The following MECOM variants were observed in gnomAD, a reference collection of about 807,000 sequenced individuals.
MECOM encodes histone-lysine N-methyltransferase MECOM.
A neutral mutation model predicts 116.3 loss-of-function variants in MECOM; 13 were observed. The ratio of observed to expected loss-of-function variants is 0.11; its 90% CI spans 0.07 to 0.18. The LOEUF is 0.18. Among genes scored for constraint, MECOM ranks in the 10% least tolerant of loss-of-function variants. The pLI is 1.00. For synonymous variants in MECOM, 528 were observed against 535.2 expected (o/e 0.99, Z 0.19); for missense variants, 1,299 against 1,509.0 (o/e 0.86, Z 2.31).
intron 2 of MECOM, among the ~76,000 whole-genome samples, chr3:169,294,493 A>T (rs1396880551): frequency 6.6e-6 from 1 of 152,218 alleles, no homozygotes; most frequent in Non-Finnish European, 1.5e-5. Flanking sequence ...GAGGGGCAGA[A>T]GCAGTAGCCT....
chr3:169,378,446 AAAGAAG>A (rs1560196576), intron 2 of MECOM, among the ~76,000 whole-genome samples: 21 of 80,388 alleles, frequency 2.6e-4, no homozygotes, highest in African/African-American at 1.6e-3. Flanking sequence ...AGAAAGAAAG[AAAGAAG>A]GAAAGCAAGC....
chr3:169,301,556 AC>A (rs1716722942), intron 2 of MECOM, among the ~76,000 whole-genome samples: 1 of 152,190 alleles, frequency 6.6e-6, no homozygotes, highest in Non-Finnish European at 1.5e-5. Flanking sequence ...TGTGAATGAG[AC>A]CCTGAAATTT....
intron 1 of MECOM, among the ~76,000 whole-genome samples, chr3:169,606,739 T>C (rs1768620991): frequency 6.6e-6 from 1 of 152,228 alleles, no homozygotes; most frequent in Non-Finnish European, 1.5e-5. Flanking sequence ...GGTATTGTTC[T>C]CCTCCATATG....
intron 2 of MECOM, among the ~76,000 whole-genome samples, chr3:169,376,160 G>A (rs1560193318): frequency 6.6e-6 from 1 of 152,012 alleles, no homozygotes; most frequent in Admixed American, 6.6e-5. Context: ...AATAAACTAG[G>A]TATTGATGGA....
At chr3:169,211,761 G>A (rs1750760255) in intron 2 of MECOM, among the ~76,000 whole-genome samples, 2 of 152,090 alleles carry the variant, frequency 1.3e-5, no homozygotes, top group Non-Finnish European at 1.5e-5. Context: ...TTGTGTTCAT[G>A]GCTCCCAAAT....
chr3:169,474,651 T>A (rs574033578), intron 1 of MECOM, among the ~76,000 whole-genome samples: 1 of 152,300 alleles, frequency 6.6e-6, no homozygotes, highest in Non-Finnish European at 1.5e-5. Flanking sequence ...GCCCATGTTT[T>A]GTGTAATAAC....
At chr3:169,171,156 A>G (rs1744347626) in intron 2 of MECOM, among the ~76,000 whole-genome samples, 1 of 152,196 alleles carries the variant, frequency 6.6e-6, no homozygotes, top group Non-Finnish European at 1.5e-5. Flanking sequence ...CTATCAGAAA[A>G]TACCTTTTGT....
chr3:169,324,381 A>T (rs1246891749), intron 2 of MECOM, among the ~76,000 whole-genome samples: 5 of 152,244 alleles, frequency 3.3e-5, no homozygotes, highest in Non-Finnish European at 7.3e-5. Context: ...TTCTCCTTTA[A>T]GAAAATCATC....
intron 2 of MECOM, among the ~76,000 whole-genome samples, chr3:169,162,482 C>A (rs929772010): frequency 6.6e-6 from 1 of 152,136 alleles, no homozygotes. Flanking sequence ...TAAAGGATGG[C>A]ATGGTAGGGG....
At chr3:169,365,170 G>A (rs1332397179) in intron 2 of MECOM, among the ~76,000 whole-genome samples, 1 of 151,962 alleles carries the variant, frequency 6.6e-6, no homozygotes, top group East Asian at 1.9e-4. Context: ...CTCAGTGTAA[G>A]GGTTTTATCT....
intron 1 of MECOM, among the ~76,000 whole-genome samples, chr3:169,558,815 C>T (rs2109349614): frequency 6.6e-6 from 1 of 152,238 alleles, no homozygotes; most frequent in Non-Finnish European, 1.5e-5. Context: ...TTCCAGGAAT[C>T]ATCGGTCAGA....
intron 2 of MECOM, among the ~76,000 whole-genome samples, chr3:169,236,202 A>T (rs1276972163): frequency 2.0e-5 from 3 of 152,178 alleles, no homozygotes; most frequent in Non-Finnish European, 4.4e-5. Context: ...GGTGCAGTAA[A>T]TGCATTTTTT....
In MECOM at chr3:169,208,881, A is replaced by T. The variant is rs568091811; in HGVS notation, c.376-65049T>A. 1.1e-4 allele frequency among the ~76,000 whole-genome samples: 16 copies of T among 148,154 alleles called. 1 individual carries two copies. The South Asian group carries it at 2.8e-3, about 26-fold the overall frequency. The stretch of plus-strand genomic sequence containing the variant: ...GAACCAAAAAAGAGCCTGTATAGCC[A>T]AGACAATCGTAAGCAAAAAAAAAAA... On this transcript the variant is annotated intron_variant, in intron 2 of 16. Transcript: ENST00000651503.
chr3:169,453,345 T>A (rs757543274), intron 1 of MECOM, among the ~76,000 whole-genome samples: 1 of 152,172 alleles, frequency 6.6e-6, no homozygotes, highest in African/African-American at 2.4e-5. Flanking sequence ...TTGATAAAGA[T>A]GTATGTTTTT....
At position 169,594,152 on chromosome 3, in the gene MECOM, C is replaced by CA. The variant is rs1302865186; in HGVS notation, c.37+69183dup. ...ATCTCAACGACAACACCACCACCAC[C>CA]ACAAAAAAAAAAAAAAAAAAAAAAC... On this transcript the variant is annotated intron_variant, in intron 1 of 16. Transcript: ENST00000651503. Among the ~76,000 whole-genome samples the CA allele has an allele frequency of 4.2e-3, 239 of 57,236 alleles. 1 individual carries two copies. Among genetic ancestry groups the CA allele is most frequent in the African/African-American group, 0.03 (218 of 7,190 alleles). The allele number at this position is 57,236 out of a possible 152,430, so 37.5% of individuals were successfully genotyped here.
chr3:169,391,635 A>G (rs1207466067), intron 1 of MECOM, among the ~76,000 whole-genome samples: 1 of 152,220 alleles, frequency 6.6e-6, no homozygotes, highest in East Asian at 1.9e-4. Context: ...GAAAAATATG[A>G]ACAGATGTGC....
rs149880197 is a variant in MECOM at position 169,556,566 on chromosome 3, G to A, written c.37+106770C>T. Among the ~76,000 whole-genome samples, 12 of 152,230 alleles carry A rather than the reference G, an allele frequency of 7.9e-5. No individual in the cohort carries two copies. In the East Asian group the frequency reaches 1.2e-3, roughly 15 times the overall value. The stretch of plus-strand genomic sequence containing the variant: ...CACCTCCTGGTTGTCCCACCCCTGC[G>A]TCATCCCCTCCTACTGAGTGTGAGC... On this transcript the variant is annotated intron_variant, in intron 1 of 16. Coordinates refer to ENST00000651503, the MANE Select transcript of MECOM (RefSeq NM_004991.4).
intron 2 of MECOM, among the ~76,000 whole-genome samples, chr3:169,237,596 C>T (rs1275522493): frequency 3.8e-5 from 4 of 106,600 alleles, no homozygotes; most frequent in African/African-American, 1.5e-4. Context: ...GTGCTAACTG[C>T]AATGTCTCCA....
chr3:169,371,045 A>T (rs765682237), intron 2 of MECOM, among the ~76,000 whole-genome samples: 24 of 152,010 alleles, frequency 1.6e-4, no homozygotes, highest in Non-Finnish European at 3.2e-4. Context: ...TCGCCATCTC[A>T]ATGAGATGTC....
Sources: allele counts gnomAD v4.1 joint callset (sites outside exome capture counted in the v4.1 genomes callset), GRCh38; gene constraint gnomAD v4.1.1; transcripts MANE v1.5; gene names NCBI Gene and HGNC (gene_info 2026-07-23, HGNC 2026-07-21).